The following AFF2 variants were observed in gnomAD, a reference collection of about 807,000 sequenced individuals.
AFF2 encodes the protein ALF transcription elongation factor 2, also known as AF4/FMR2 family member 2.
In AFF2, 14 loss-of-function variants were observed where a neutral mutation model predicts 76.9. The ratio of observed to expected loss-of-function variants is 0.18; its 90% CI spans 0.12 to 0.28. AFF2 has a LOEUF of 0.28. Ranked by LOEUF, AFF2 falls within the 10% of genes least tolerant of loss-of-function variation. AFF2 has a pLI of 1.00. For synonymous variants in AFF2, 398 were observed against 366.7 expected (o/e 1.09, Z -0.98); for missense variants, 868 against 1,001.1 (o/e 0.87, Z 1.79).
intron 3 of AFF2, among the ~76,000 whole-genome samples, chrX:148,712,859 G>A (rs1433137291): frequency 3.6e-5 from 4 of 111,625 alleles, no homozygotes; most frequent in African/African-American, 6.5e-5. Context: ...TCCTTGGAGC[G>A]GTGGCAGATG....
At chrX:148,821,765 C>T (rs782770849) in intron 4 of AFF2, among the ~76,000 whole-genome samples, 11 of 111,130 alleles carry the variant, frequency 9.9e-5, no homozygotes, top group Non-Finnish European at 1.9e-4. Context: ...GGGGAGTTGC[C>T]TCTTATGGTA....
At chrX:148,729,979 A>G (rs181132867) in intron 3 of AFF2, among the ~76,000 whole-genome samples, 527 of 111,929 alleles carry the variant, frequency 4.7e-3, no homozygotes, top group Non-Finnish European at 7.6e-3. Context: ...GGAATGTTCT[A>G]CGCATTTGTG....
chrX:148,986,248 T>C (rs1453503562), intron 19 of AFF2, among the ~76,000 whole-genome samples: 1 of 112,427 alleles, frequency 8.9e-6, no homozygotes, highest in Non-Finnish European at 1.9e-5. Context: ...TCACTCATTA[T>C]GTTCTGTCCT....
intron 1 of AFF2, among the ~76,000 whole-genome samples, chrX:148,635,899 C>T (rs1233451617): frequency 9.1e-6 from 1 of 110,416 alleles, no homozygotes; most frequent in Non-Finnish European, 1.9e-5. Flanking sequence ...TGTATCCTGG[C>T]CCAGCATTAG....
At chrX:148,646,504 C>A (rs1466628522) in intron 1 of AFF2, among the ~76,000 whole-genome samples, 1 of 111,362 alleles carries the variant, frequency 9.0e-6, no homozygotes, top group Non-Finnish European at 1.9e-5. Flanking sequence ...CCAAGATGCT[C>A]CTACATTGAA....
chrX:148,551,412 C>G (rs1002466402), intron 1 of AFF2, among the ~76,000 whole-genome samples: 1 of 102,445 alleles, frequency 9.8e-6, no homozygotes, highest in East Asian at 3.0e-4. Context: ...AGCAATGAAC[C>G]CCTTACCAAA....
chrX:148,533,106 T>G (rs1275369395), intron 1 of AFF2, among the ~76,000 whole-genome samples: 1 of 111,697 alleles, frequency 9.0e-6, no homozygotes, highest in Admixed American at 9.5e-5. Flanking sequence ...TCTCTGGGAT[T>G]CAGAGTGGCT....
chrX:148,936,315 A>G (rs1253776810), intron 9 of AFF2, among the ~76,000 whole-genome samples: 1 of 112,199 alleles, frequency 8.9e-6, no homozygotes, highest in African/African-American at 3.2e-5. Flanking sequence ...TTTGGCTGAT[A>G]CCCACTTTGA....
intron 1 of AFF2, among the ~76,000 whole-genome samples, chrX:148,645,782 T>G (rs1347448490): frequency 1.8e-5 from 2 of 112,020 alleles, no homozygotes; most frequent in Non-Finnish European, 3.8e-5. Flanking sequence ...TTGTGTTCAG[T>G]TGGAGGATGC....
At chrX:148,786,650 TTTTAAC>T (rs2069824599) in intron 3 of AFF2, among the ~76,000 whole-genome samples, 1 of 112,181 alleles carries the variant, frequency 8.9e-6, no homozygotes. Context: ...AGTGAAATCA[TTTTAAC>T]TTTATTACCT....
intron 1 of AFF2, among the ~76,000 whole-genome samples, chrX:148,549,803 T>C (rs1165665253): frequency 8.9e-6 from 1 of 112,174 alleles, no homozygotes; most frequent in Non-Finnish European, 1.9e-5. Context: ...CCAGTTGCTA[T>C]TTCTGGAACT....
intron 9 of AFF2, among the ~76,000 whole-genome samples, chrX:148,923,662 T>A (rs2071620079): frequency 9.0e-6 from 1 of 111,603 alleles, no homozygotes; most frequent in African/African-American, 3.3e-5. Flanking sequence ...GTCCCACAGA[T>A]ACAGCACAGA....
At chrX:148,933,585 A>G (rs1484138965) in intron 9 of AFF2, among the ~76,000 whole-genome samples, 1 of 111,029 alleles carries the variant, frequency 9.0e-6, no homozygotes, top group African/African-American at 3.3e-5. Flanking sequence ...TGGATTAGTG[A>G]TGTATTTTGA....
rs782260069 is a variant in AFF2 at position 148,980,721 on chromosome X, TTCTC to T, written c.3571-9_3571-6del. 2.0e-5 allele frequency: 24 copies of T among 1,177,624 alleles called. No individual in the cohort carries two copies. The South Asian group carries it at 2.2e-4, about 11-fold the overall frequency. On this transcript the variant is annotated splice_polypyrimidine_tract_variant and intron_variant, in intron 18 of 20. Transcript: ENST00000370460. ...ATAGATGTCCTTATTTCCCTTTCTCTTCTCTCTCTCTTTTAGCAAAATGCTTCAA... is the reference window on the plus strand; with the variant it reads ...ATAGATGTCCTTATTTCCCTTTCTCTTCTCTCTTTTAGCAAAATGCTTCAA...
intron 1 of AFF2, among the ~76,000 whole-genome samples, chrX:148,581,171 A>ACG (rs1370926515): frequency 1.6e-5 from 1 of 63,740 alleles, no homozygotes; most frequent in African/African-American, 7.5e-5. Flanking sequence ...ACACACATAC[A>ACG]TATACGTATA....
chrX:148,937,137 A>G (rs1557285110), intron 9 of AFF2, among the ~76,000 whole-genome samples: 2 of 111,979 alleles, frequency 1.8e-5, no homozygotes, highest in Non-Finnish European at 3.8e-5. Context: ...GTCTGTGATT[A>G]TAAGGTTCTC....
intron 9 of AFF2, among the ~76,000 whole-genome samples, chrX:148,933,658 G>C (rs1603342743): frequency 8.9e-6 from 1 of 111,806 alleles, no homozygotes; most frequent in Non-Finnish European, 1.9e-5. Flanking sequence ...AAAAAGAAAA[G>C]TCAGAAACAA....
At chrX:148,817,101 A>G (rs2070275107) in intron 4 of AFF2, among the ~76,000 whole-genome samples, 1 of 111,426 alleles carries the variant, frequency 9.0e-6, no homozygotes, top group Non-Finnish European at 1.9e-5. Flanking sequence ...AGGAACTTAA[A>G]GATGCTATTT....
intron 1 of AFF2, among the ~76,000 whole-genome samples, chrX:148,516,833 G>A (rs2052540610): frequency 9.0e-6 from 1 of 111,679 alleles, no homozygotes. Flanking sequence ...GCTACTACTT[G>A]GAAGTTATGA....
Sources: gnomAD v4.1 joint callset for allele counts (sites outside exome capture counted in the v4.1 genomes callset) on GRCh38, gnomAD v4.1.1 for gene constraint, MANE v1.5 for transcripts, NCBI Gene and HGNC (gene_info 2026-07-23, HGNC 2026-07-21) for gene names.